Variants in DCLK1 observed in about 807,000 individuals in gnomAD.
DCLK1 encodes the protein doublecortin like kinase 1.
A neutral mutation model predicts 86.2 loss-of-function variants in DCLK1; 16 were observed. That is an observed-to-expected ratio of 0.19 (90% confidence interval 0.13 to 0.28). The LOEUF is 0.28. DCLK1 is among the 10% of genes least tolerant of loss of function. The pLI, the probability that DCLK1 is intolerant of heterozygous loss-of-function variation, is 1.00. For missense variants in DCLK1, 590 were observed against 940.2 expected (o/e 0.63, Z 4.87); for synonymous variants, 369 against 370.5 (o/e 1.00, Z 0.05).
At chr13:36,086,881 T>C (rs977305324) in intron 3 of DCLK1, among the ~76,000 whole-genome samples, 38 of 152,284 alleles carry the variant, frequency 2.5e-4, no homozygotes, top group African/African-American at 8.2e-4. Flanking sequence ...TGATGGGAAT[T>C]TGGGTTGGTT....
At chr13:36,084,874 A>G (rs1884539544) in intron 3 of DCLK1, among the ~76,000 whole-genome samples, 1 of 152,210 alleles carries the variant, frequency 6.6e-6, no homozygotes, top group African/African-American at 2.4e-5. Flanking sequence ...CAGAAATAAA[A>G]TTGTTATACC....
chr13:35,896,654 C>T (rs1237642411), intron 4 of DCLK1, among the ~76,000 whole-genome samples: 1 of 149,900 alleles, frequency 6.7e-6, no homozygotes, highest in East Asian at 2.0e-4. Flanking sequence ...CTTATTGAGG[C>T]ATCCAGTAAA....
intron 4 of DCLK1, among the ~76,000 whole-genome samples, chr13:35,888,819 C>T (rs548510862): frequency 1.2e-4 from 18 of 152,274 alleles, no homozygotes; most frequent in South Asian, 1.0e-3. Context: ...AGATAACTTG[C>T]TGTTGGTGGC....
At chr13:35,811,777 T>C (rs1033293878) in intron 11 of DCLK1, among the ~76,000 whole-genome samples, 2 of 151,156 alleles carry the variant, frequency 1.3e-5, no homozygotes, top group South Asian at 2.1e-4. Flanking sequence ...GAGGTTGCAG[T>C]GAGCTGAGAT....
At chr13:35,888,052 T>G (rs1244272666) in intron 4 of DCLK1, among the ~76,000 whole-genome samples, 3 of 152,150 alleles carry the variant, frequency 2.0e-5, no homozygotes, top group African/African-American at 7.2e-5. Context: ...AGGCAGACAT[T>G]TTTTAAGAGT....
chr13:35,958,801 A>G (rs571177892), intron 3 of DCLK1, among the ~76,000 whole-genome samples: 1 of 152,382 alleles, frequency 6.6e-6, no homozygotes, highest in South Asian at 2.1e-4. Context: ...AAATGCAGCT[A>G]CTAAAGACAT....
chr13:35,955,210 A>C (rs1404887272), intron 3 of DCLK1, among the ~76,000 whole-genome samples: 5 of 151,588 alleles, frequency 3.3e-5, no homozygotes. Flanking sequence ...TTTTTTTTTA[A>C]TGCTAACATT....
chr13:35,826,200 G>A (rs1409082401), intron 10 of DCLK1, among the ~76,000 whole-genome samples: 1 of 151,422 alleles, frequency 6.6e-6, no homozygotes, highest in African/African-American at 2.4e-5. Flanking sequence ...CAATACCCTT[G>A]TTACTAAAAA....
intron 3 of DCLK1, among the ~76,000 whole-genome samples, chr13:36,090,873 G>T (rs1884799154): frequency 6.6e-6 from 1 of 151,984 alleles, no homozygotes; most frequent in Non-Finnish European, 1.5e-5. Flanking sequence ...TCCACCCCAT[G>T]CAACAGCCAG....
At chr13:36,081,323 T>C (rs1227589967) in intron 3 of DCLK1, among the ~76,000 whole-genome samples, 1 of 152,132 alleles carries the variant, frequency 6.6e-6, no homozygotes, top group Admixed American at 6.5e-5. Flanking sequence ...AATGTGAAGT[T>C]TGAAGACAGA....
Position 35,808,309 on chromosome 13 carries a change from T to C in DCLK1, c.1778A>G (p.Asp593Gly). Residue 593 changes from aspartate to glycine, a missense_variant, in exon 14 of 17, where the codon GAC becomes GGC. Around this residue, in one of 6 missense-constraint regions of DCLK1, gnomAD observed 146 missense variants for 190.2 expected, o/e 0.77. Transcript: ENST00000360631. ...GFPPFRGSGD[D>G]QEVLFDQILM... ...AATCTGATCAAAAAGCACCTCCTGG[T>C]CATCACCACTTCTGTTTAGGTGAAC... 6.2e-7 allele frequency: 1 copy of C among 1,614,032 alleles called. No individual in the cohort carries two copies. The highest frequency in any genetic ancestry group is 8.5e-7 in the Non-Finnish European group (1 of 1,179,928).
At chr13:35,805,574 C>T (rs1327810527) in intron 15 of DCLK1, 125 bp downstream of exon 15, 17 of 913,002 alleles carry the variant, frequency 1.9e-5, no homozygotes, top group Non-Finnish European at 2.8e-5. Flanking sequence ...GCTGAGATTA[C>T]AGGCGTGAGA....
At chr13:35,957,387 T>C (rs1369141335) in intron 3 of DCLK1, among the ~76,000 whole-genome samples, 2 of 152,190 alleles carry the variant, frequency 1.3e-5, no homozygotes, top group East Asian at 3.8e-4. Context: ...AAATGCATTC[T>C]GGTGCTATGA....
intron 4 of DCLK1, among the ~76,000 whole-genome samples, chr13:35,940,215 T>A (rs1370646056): frequency 8.0e-6 from 1 of 125,416 alleles, no homozygotes; most frequent in African/African-American, 3.7e-5. Context: ...AGCAAGAGTC[T>A]GTCTCAAAAA....
At chr13:35,893,083 G>A (rs1408714378) in intron 4 of DCLK1, among the ~76,000 whole-genome samples, 4 of 152,206 alleles carry the variant, frequency 2.6e-5, no homozygotes, top group African/African-American at 9.6e-5. Context: ...CATAGGCGGA[G>A]CCCTGTAGTA....
chr13:35,932,184 T>C (rs1436644390), intron 4 of DCLK1, among the ~76,000 whole-genome samples: 1 of 152,080 alleles, frequency 6.6e-6, no homozygotes, highest in Non-Finnish European at 1.5e-5. Flanking sequence ...GAAGGAGAAA[T>C]TTACCTTTTT....
intron 3 of DCLK1, among the ~76,000 whole-genome samples, chr13:36,065,539 A>G (rs1883716100): frequency 6.6e-6 from 1 of 152,208 alleles, no homozygotes; most frequent in South Asian, 2.1e-4. Flanking sequence ...CCCACCCCAA[A>G]TGTAAGAAAT....
chr13:36,058,832 A>G (rs1451746105), intron 3 of DCLK1, among the ~76,000 whole-genome samples: 3 of 152,192 alleles, frequency 2.0e-5, no homozygotes, highest in Non-Finnish European at 2.9e-5. Flanking sequence ...GTATATGCTC[A>G]GTAGGGATTA....
At chr13:35,846,170 T>A (rs566219692) in intron 6 of DCLK1, 9 of 985,316 alleles carry the variant, frequency 9.1e-6, no homozygotes, top group Admixed American at 6.1e-5. Flanking sequence ...TGTTTTTTTT[T>A]AAAGAGAATA....
Sources: allele counts gnomAD v4.1 joint callset (sites outside exome capture counted in the v4.1 genomes callset), GRCh38; gene constraint gnomAD v4.1.1; regional missense constraint gnomAD v4.1.1; transcripts MANE v1.5; gene names NCBI Gene and HGNC (gene_info 2026-07-23, HGNC 2026-07-21).